Variants in LRPPRC observed in about 807,000 individuals in gnomAD.
LRPPRC encodes the protein leucine rich pentatricopeptide repeat containing.
A neutral mutation model predicts 180.3 loss-of-function variants in LRPPRC; 120 were observed. That is an observed-to-expected ratio of 0.67 (90% CI 0.57 to 0.77). The LOEUF (loss-of-function observed/expected upper bound fraction) is 0.77, where lower values mean the gene tolerates loss of function less well. Ranked by LOEUF, LRPPRC falls within the 30% of genes least tolerant of loss-of-function variation. LRPPRC has a pLI of 0.00. For missense variants in LRPPRC, 2,012 were observed against 1,657.2 expected (o/e 1.21, Z -3.72); for synonymous variants, 723 against 600.0 (o/e 1.21, Z -3.00).
chr2:43,936,704 C>T (rs1447200901), intron 23 of LRPPRC, among the ~76,000 whole-genome samples: 1 of 152,158 alleles, frequency 6.6e-6, no homozygotes, highest in African/African-American at 2.4e-5. Flanking sequence ...GAACTCTTAC[C>T]TTATCCCCTT....
Position 43,976,999 on chromosome 2 carries a change from AC to A in LRPPRC, c.644del (p.Gly215ValfsTer9). On this transcript the variant is annotated frameshift_variant, in exon 5 of 38. Transcript: ENST00000260665. LOFTEE classifies it high-confidence loss of function. Reference protein sequence around the residue: ...ASYCNVGDIEGASKILGFMKT... With the variant: ...ASYCNVGDIEXASKILGFMKT... Reference sequence around the variant, plus strand: ...ATGTTCATACAGATCCATACCTGGCACCTTCAATATCTCCTACATTACAATA... The same window carrying A: ...ATGTTCATACAGATCCATACCTGGCACTTCAATATCTCCTACATTACAATA... 6.2e-7 allele frequency: 1 copy of A among 1,612,916 alleles called. No homozygotes were observed. The highest frequency in any genetic ancestry group is 1.1e-5 in the South Asian group (1 of 91,038).
chr2:43,956,787 G>C (rs929196487), intron 14 of LRPPRC, among the ~76,000 whole-genome samples: 1 of 152,148 alleles, frequency 6.6e-6, no homozygotes, highest in Non-Finnish European at 1.5e-5. Context: ...CTACTCAGCA[G>C]GCTGAGGCAG....
chr2:43,985,725 T>C (rs1327928641), intron 1 of LRPPRC, among the ~76,000 whole-genome samples: 3 of 152,356 alleles, frequency 2.0e-5, no homozygotes, highest in African/African-American at 4.8e-5. Flanking sequence ...GTTTACCCAT[T>C]TGCCTACTGA....
At chr2:43,976,303 C>T in intron 5 of LRPPRC, 74 bp from the exon 6 acceptor site, 2 of 819,800 alleles carry the variant, frequency 2.4e-6, no homozygotes, top group South Asian at 2.8e-5. Context: ...CAGAATTAGG[C>T]CTTGAGTTAC....
intron 23 of LRPPRC, among the ~76,000 whole-genome samples, chr2:43,942,751 C>T (rs1010468208): frequency 6.6e-6 from 1 of 151,952 alleles, no homozygotes; most frequent in East Asian, 1.9e-4. Flanking sequence ...GGACAACATC[C>T]ACACTACATC....
At chr2:43,945,647 C>A (rs1311956792) in intron 21 of LRPPRC, among the ~76,000 whole-genome samples, 1 of 152,036 alleles carries the variant, frequency 6.6e-6, no homozygotes, top group Non-Finnish European at 1.5e-5. Context: ...TGCATCACTC[C>A]ATCTGCAAAG....
intron 13 of LRPPRC, among the ~76,000 whole-genome samples, chr2:43,957,744 C>A (rs962826280): frequency 2.0e-5 from 3 of 152,118 alleles, no homozygotes; most frequent in African/African-American, 7.2e-5. Context: ...TCAGAGTCAG[C>A]CTGGTACACA....
chr2:43,975,013 C>T lies in LRPPRC; in HGVS notation c.864+78G>A. On this transcript the variant is annotated intron_variant, in intron 7 of 37. Coordinates refer to ENST00000260665, the MANE Select transcript of LRPPRC (RefSeq NM_133259.4). ...TCTTTGAAAACAGGTATAAACTTCA[C>T]TTTCCTGCCTCATGTAAAACATAAC... 5 of 1,461,994 alleles carry T rather than the reference C, an allele frequency of 3.4e-6. No individual in the cohort carries two copies. The South Asian group carries it at 5.7e-5, about 17-fold the overall frequency. 90.6% of individuals were successfully genotyped at this position (1,461,994 alleles called of 1,614,324 possible). A position where few individuals can be genotyped will look rare whatever the true frequency, so the allele number is the denominator to read the frequency against.
rs375952780 is a variant in LRPPRC, at chr2:43,899,550, T to C, written c.3625A>G (p.Lys1209Glu). 21 of 1,611,256 alleles carry C rather than the reference T, an allele frequency of 1.3e-5. No individual in the cohort carries two copies. In the Middle Eastern group the frequency reaches 4.9e-4, roughly 38 times the overall value. Reference protein sequence around the residue: ...NIENMLTSENKVIEPQYFGLA... With the variant: ...NIENMLTSENEVIEPQYFGLA... ...CCGAAGTATTGGGGTTCAATGACTTTATTCTCTGAAGTAAGCATATTTTCA... is the reference window on the plus strand; with the variant it reads ...CCGAAGTATTGGGGTTCAATGACTTCATTCTCTGAAGTAAGCATATTTTCA... The change falls in exon 33 of 38, where the codon AAA (lysine) becomes GAA (glutamate). Residue 1209 changes from lysine (K) to glutamate (E), a missense_variant. Physicochemically the swap from Lys to Glu is moderately conservative, Grantham distance 56. Transcript: ENST00000260665.
intron 22 of LRPPRC, among the ~76,000 whole-genome samples, chr2:43,944,687 T>A (rs567625870): frequency 8.6e-5 from 13 of 151,976 alleles, no homozygotes; most frequent in Non-Finnish European, 8.8e-5. Context: ...AAAGGAAATT[T>A]CAAAATAAAG....
Position 43,995,981 on chromosome 2 carries a change from C to A in LRPPRC, c.-34G>T. On this transcript the variant is annotated 5_prime_UTR_variant, in exon 1 of 38. Transcript: ENST00000260665. The stretch of plus-strand genomic sequence containing the variant: ...CGTCCCCGCAGCGGGAAGCACGCTC[C>A]GCCAGAAGGACAGGAGGAGCATGTG... 1 of 1,523,078 alleles carries A rather than the reference C, an allele frequency of 6.6e-7. No homozygotes were observed. The highest frequency in any genetic ancestry group is 1.2e-5 in the South Asian group (1 of 83,000). 94.3% of individuals were successfully genotyped at this position (1,523,078 alleles called of 1,614,324 possible).
intron 29 of LRPPRC, among the ~76,000 whole-genome samples, chr2:43,917,269 G>T (rs1017118272): frequency 6.6e-6 from 1 of 151,892 alleles, no homozygotes; most frequent in African/African-American, 2.4e-5. Flanking sequence ...TCCATCTCTT[G>T]ACTTCGTGAT....
chr2:43,899,635 A>G (rs754677668), intron 32 of LRPPRC, 30 bp from the exon 33 acceptor site: 96 of 1,547,008 alleles, frequency 6.2e-5, no homozygotes, highest in Non-Finnish European at 8.0e-5. Flanking sequence ...TTACTTAAAA[A>G]TTTGCTTTTA....
At chr2:43,993,942 G>C (rs1674901758) in intron 1 of LRPPRC, among the ~76,000 whole-genome samples, 1 of 152,130 alleles carries the variant, frequency 6.6e-6, no homozygotes, top group African/African-American at 2.4e-5. Flanking sequence ...CTGAGGAACA[G>C]ACAGGTTAGT....
At position 43,980,544 on chromosome 2, in the gene LRPPRC, ACT is replaced by A. The variant is rs1481709360; in HGVS notation, c.347-598_347-597del. On this transcript the variant is annotated intron_variant, in intron 2 of 37. Coordinates refer to ENST00000260665, the MANE Select transcript of LRPPRC (RefSeq NM_133259.4). ...CTCCAGCCTAGACAACAAGATCAAG[ACT>A]CTGTTTCAAAAAAAAAAAAAAAAAG... is the stretch of plus-strand genomic sequence containing the variant. 7.2e-5 allele frequency among the ~76,000 whole-genome samples: 9 copies of A among 125,232 alleles called. No homozygotes were observed. In the South Asian group the frequency reaches 2.2e-3, roughly 31 times the overall value. 82.2% of individuals were successfully genotyped at this position (125,232 alleles called of 152,430 possible). A position where few individuals can be genotyped will look rare whatever the true frequency, so the allele number is the denominator to read the frequency against.
At chr2:43,993,106 G>A (rs181912578) in intron 1 of LRPPRC, among the ~76,000 whole-genome samples, 1 of 152,300 alleles carries the variant, frequency 6.6e-6, no homozygotes, top group African/African-American at 2.4e-5. Flanking sequence ...CAAGAAAAGT[G>A]TCTCATGAAG....
At chr2:43,979,682 A>G in intron 3 of LRPPRC, 144 bp downstream of exon 3, 1 of 694,586 alleles carries the variant, frequency 1.4e-6, no homozygotes, top group South Asian at 1.8e-5. Flanking sequence ...ACTATACCTC[A>G]CCAAATAAAT....
chr2:43,924,116 G>T (rs1293647339), intron 27 of LRPPRC, among the ~76,000 whole-genome samples: 1 of 152,022 alleles, frequency 6.6e-6, no homozygotes, highest in African/African-American at 2.4e-5. Context: ...AGCTTTCAAT[G>T]GTAATAAATA....
At chr2:43,950,713 C>T in intron 14 of LRPPRC, 113 bp from the exon 15 acceptor site, 1 of 788,674 alleles carries the variant, frequency 1.3e-6, no homozygotes, top group South Asian at 1.5e-5. Flanking sequence ...TAAATGTTTG[C>T]TGTATCAGGA....
Sources: allele counts gnomAD v4.1 joint callset (sites outside exome capture counted in the v4.1 genomes callset), GRCh38; gene constraint gnomAD v4.1.1; transcripts MANE v1.5; gene names NCBI Gene and HGNC (gene_info 2026-07-23, HGNC 2026-07-21).